EYA2: variants seen among roughly 807,000 people sequenced by gnomAD.
The protein encoded by EYA2 is protein phosphatase EYA2.
In EYA2, 31 loss-of-function variants were observed where a neutral mutation model predicts 69.2. That is an observed-to-expected ratio of 0.45 (90% CI 0.34 to 0.60). EYA2 has a LOEUF of 0.60. EYA2 is among the 20% of genes least tolerant of loss of function. The probability of loss-of-function intolerance (pLI) is 0.02; values close to 1 mark genes in which losing one functional copy is unlikely to be tolerated. For synonymous variants in EYA2, 257 were observed against 279.4 expected (o/e 0.92, Z 0.80); for missense variants, 622 against 701.2 (o/e 0.89, Z 1.28).
chr20:47,091,142 A>G (rs1296938483), intron 8 of EYA2, among the ~76,000 whole-genome samples: 5 of 152,178 alleles, frequency 3.3e-5, no homozygotes, highest in African/African-American at 4.8e-5. Context: ...TTAAAAAGCA[A>G]TGTAATTTTA....
intron 9 of EYA2, among the ~76,000 whole-genome samples, chr20:47,141,056 C>T (rs915339835): frequency 6.6e-6 from 1 of 152,206 alleles, no homozygotes; most frequent in Non-Finnish European, 1.5e-5. Context: ...GGCCTTACCT[C>T]CCAACACTGC....
intron 5 of EYA2, among the ~76,000 whole-genome samples, chr20:47,035,671 C>A (rs574620207): frequency 1.3e-5 from 2 of 152,004 alleles, no homozygotes; most frequent in Non-Finnish European, 2.9e-5. Context: ...TAATCAGGGC[C>A]GCCATGAATT....
intron 7 of EYA2, among the ~76,000 whole-genome samples, chr20:47,086,729 A>G (rs1013559986): frequency 6.6e-6 from 1 of 152,098 alleles, no homozygotes; most frequent in Non-Finnish European, 1.5e-5. Flanking sequence ...GCGGGGACAC[A>G]GATCCAAACC....
At chr20:46,960,685 A>G (rs973765570) in intron 1 of EYA2, among the ~76,000 whole-genome samples, 15 of 152,194 alleles carry the variant, frequency 9.9e-5, no homozygotes, top group Non-Finnish European at 1.9e-4. Context: ...CAGTCATCCC[A>G]TTCATTTATA....
At chr20:46,976,773 G>T (rs77021770) in intron 1 of EYA2, among the ~76,000 whole-genome samples, 3,989 of 152,206 alleles carry the variant, frequency 0.026, 163 homozygotes, top group African/African-American at 0.09. Flanking sequence ...GGGGAATATA[G>T]ATTGGACTCA....
chr20:47,070,655 A>G (rs776818288), intron 5 of EYA2, among the ~76,000 whole-genome samples: 2 of 152,148 alleles, frequency 1.3e-5, no homozygotes, highest in Non-Finnish European at 2.9e-5. Context: ...GCCATTGTGC[A>G]TTGTTGTTTA....
At chr20:47,065,046 C>T (rs532116532) in intron 5 of EYA2, among the ~76,000 whole-genome samples, 7 of 152,284 alleles carry the variant, frequency 4.6e-5, no homozygotes, top group Admixed American at 2.0e-4. Context: ...GGCAAGAGAA[C>T]ATGTGCAGGG....
At chr20:47,115,066 ACTCACAAAG>A (rs2032852725) in intron 9 of EYA2, among the ~76,000 whole-genome samples, 1 of 152,168 alleles carries the variant, frequency 6.6e-6, no homozygotes, top group Non-Finnish European at 1.5e-5. Context: ...GCAAGAATGG[ACTCACAAAG>A]ATACTTTCGG....
At chr20:47,007,740 T>C (rs1453307197) in intron 4 of EYA2, among the ~76,000 whole-genome samples, 1 of 152,022 alleles carries the variant, frequency 6.6e-6, no homozygotes, top group Non-Finnish European at 1.5e-5. Context: ...CTCACCCTCA[T>C]GAGTAGCTGG....
intron 2 of EYA2, among the ~76,000 whole-genome samples, chr20:46,993,172 T>A (rs1478450231): frequency 1.3e-5 from 2 of 152,134 alleles, no homozygotes; most frequent in Non-Finnish European, 2.9e-5. Context: ...TTAATGGGAG[T>A]AATTATTCCA....
intron 5 of EYA2, among the ~76,000 whole-genome samples, chr20:47,058,439 G>A (rs1338881030): frequency 6.6e-6 from 1 of 152,230 alleles, no homozygotes; most frequent in Non-Finnish European, 1.5e-5. Flanking sequence ...TCACACACAG[G>A]CCCACAAGGG....
At chr20:47,079,985 A>T (rs753288876) in intron 7 of EYA2, among the ~76,000 whole-genome samples, 1 of 152,260 alleles carries the variant, frequency 6.6e-6, no homozygotes, top group African/African-American at 2.4e-5. Flanking sequence ...AAAAGACTGT[A>T]TGTAACAGGC....
intron 1 of EYA2, among the ~76,000 whole-genome samples, chr20:46,959,085 ATTTCTGTC>A: frequency 6.6e-6 from 1 of 152,292 alleles, no homozygotes; most frequent in East Asian, 1.9e-4. Flanking sequence ...GTCAAATGTT[ATTTCTGTC>A]TTTAGGACTT....
chr20:47,019,753 T>G (rs1371227896), intron 5 of EYA2, among the ~76,000 whole-genome samples: 1 of 151,084 alleles, frequency 6.6e-6, no homozygotes, highest in African/African-American at 2.4e-5. Flanking sequence ...ATTTATTGCT[T>G]GAGTCCAGGA....
intron 9 of EYA2, among the ~76,000 whole-genome samples, chr20:47,133,811 C>T (rs1038238076): frequency 6.6e-6 from 1 of 152,198 alleles, no homozygotes; most frequent in African/African-American, 2.4e-5. Flanking sequence ...CCCACTTGAG[C>T]CTTGATGTCC....
chr20:47,170,794 A>G (rs2034302762), intron 11 of EYA2, among the ~76,000 whole-genome samples: 1 of 152,218 alleles, frequency 6.6e-6, no homozygotes, highest in African/African-American at 2.4e-5. Flanking sequence ...TAGGCTCATC[A>G]GATATATTAT....
At chr20:46,934,327 C>T (rs2146255109) in intron 1 of EYA2, among the ~76,000 whole-genome samples, 1 of 151,064 alleles carries the variant, frequency 6.6e-6, no homozygotes, top group African/African-American at 2.4e-5. Flanking sequence ...GCTCTGTTTT[C>T]CTCTGTGTCA....
chr20:47,172,632 G>A, intron 11 of EYA2, 75 bp from the exon 12 acceptor site: 1 of 1,501,048 alleles, frequency 6.7e-7, no homozygotes, highest in East Asian at 2.3e-5. Context: ...GGGTCCCACA[G>A]AGCCTGTGGT....
At chr20:46,978,764 G>A in intron 1 of EYA2, 1 of 521,144 alleles carries the variant, frequency 1.9e-6, no homozygotes, top group African/African-American at 1.9e-5. Context: ...AGAGGATGGT[G>A]GCTTGGACCT....
Sources: gnomAD v4.1 joint callset for allele counts (sites outside exome capture counted in the v4.1 genomes callset) on GRCh38, gnomAD v4.1.1 for gene constraint, MANE v1.5 for transcripts, NCBI Gene and HGNC (gene_info 2026-07-23, HGNC 2026-07-21) for gene names.